The following TRHDE variants were observed in gnomAD, a reference collection of about 807,000 sequenced individuals.
The protein encoded by TRHDE is thyrotropin-releasing hormone-degrading ectoenzyme.
In TRHDE, 72 loss-of-function variants were observed where a neutral mutation model predicts 125.7. The ratio of observed to expected loss-of-function variants is 0.57; its 90% CI spans 0.47 to 0.70. The LOEUF (loss-of-function observed/expected upper bound fraction) is 0.70, where lower values mean the gene tolerates loss of function less well. TRHDE is among the 30% of genes least tolerant of loss of function. TRHDE has a pLI of 0.00. For missense variants in TRHDE, 1,110 were observed against 1,327.1 expected (o/e 0.84, Z 2.54); for synonymous variants, 509 against 509.1 (o/e 1.00, Z 0.00).
At chr12:72,543,530 C>A (rs1869257622) in intron 7 of TRHDE, among the ~76,000 whole-genome samples, 1 of 151,382 alleles carries the variant, frequency 6.6e-6, no homozygotes, top group Non-Finnish European at 1.5e-5. Flanking sequence ...GAGTATCCTT[C>A]ATGAATATCA....
intron 5 of TRHDE, among the ~76,000 whole-genome samples, chr12:72,486,322 C>G (rs1297170417): frequency 6.6e-6 from 1 of 152,168 alleles, no homozygotes; most frequent in African/African-American, 2.4e-5. Flanking sequence ...TCCCAGAAAC[C>G]TGTCTTCACA....
intron 7 of TRHDE, among the ~76,000 whole-genome samples, chr12:72,556,575 C>T (rs182072966): frequency 6.9e-4 from 105 of 152,310 alleles, no homozygotes; most frequent in Non-Finnish European, 1.3e-3. Context: ...GAGCACATGC[C>T]CAGGCTTTAG....
rs985425552 is a variant in TRHDE at position 72,668,062 on chromosome 12, A to G, written c.*4867A>G. The G allele has an allele frequency of 3.3e-5, 5 of 151,694 alleles. No individual in the cohort carries two copies. The highest frequency in any genetic ancestry group is 7.4e-5 in the Non-Finnish European group (5 of 67,760). 9.4% of individuals were successfully genotyped at this position (151,694 alleles called of 1,614,324 possible). A position where few individuals can be genotyped will look rare whatever the true frequency, so the allele number is the denominator to read the frequency against. The stretch of plus-strand genomic sequence containing the variant: ...TTAGTATATGTGAACTTATGAAAAA[A>G]TGTTCTTGTAAATTATTCTAGAATC... On this transcript the variant is annotated 3_prime_UTR_variant, in exon 19 of 19. Coordinates refer to ENST00000261180, the MANE Select transcript of TRHDE (RefSeq NM_013381.3).
chr12:72,311,981 A>T (rs1868564754), intron 2 of TRHDE, among the ~76,000 whole-genome samples: 1 of 152,124 alleles, frequency 6.6e-6, no homozygotes, highest in Non-Finnish European at 1.5e-5. Context: ...TGTAGCAAAG[A>T]TGTAGAGAGA....
At chr12:72,127,561 T>C (rs2139305476) in intron 2 of TRHDE, among the ~76,000 whole-genome samples, 1 of 152,294 alleles carries the variant, frequency 6.6e-6, no homozygotes, top group East Asian at 1.9e-4. Context: ...GGAGGCATTA[T>C]CCTGAGCAAA....
intron 2 of TRHDE, among the ~76,000 whole-genome samples, chr12:72,207,801 C>T (rs144769606): frequency 3.3e-4 from 50 of 152,298 alleles, no homozygotes; most frequent in African/African-American, 9.6e-4. Flanking sequence ...TGCTTTGTAG[C>T]GCTTTTCTGT....
At chr12:72,458,617 A>G (rs1389710018) in intron 3 of TRHDE, among the ~76,000 whole-genome samples, 1 of 152,118 alleles carries the variant, frequency 6.6e-6, no homozygotes, top group Non-Finnish European at 1.5e-5. Context: ...CTCTTAGTAG[A>G]TATCTCTATT....
At chr12:72,193,175 A>T (rs562414236) in intron 2 of TRHDE, among the ~76,000 whole-genome samples, 3 of 152,126 alleles carry the variant, frequency 2.0e-5, no homozygotes, top group Non-Finnish European at 2.9e-5. Context: ...GTTTGTCTTT[A>T]TAAAGATTTA....
At chr12:72,534,489 C>T (rs541647211) in intron 6 of TRHDE, among the ~76,000 whole-genome samples, 10 of 151,988 alleles carry the variant, frequency 6.6e-5, no homozygotes, top group Non-Finnish European at 1.0e-4. Flanking sequence ...AAAGAATGTA[C>T]GGTCCCAGTG....
intron 6 of TRHDE, among the ~76,000 whole-genome samples, chr12:72,528,972 A>G (rs1327405058): frequency 6.6e-6 from 1 of 152,130 alleles, no homozygotes; most frequent in Non-Finnish European, 1.5e-5. Flanking sequence ...TTATTCTTAA[A>G]ATAAAATTAT....
At chr12:72,325,782 A>G (rs1476454874) in intron 2 of TRHDE, among the ~76,000 whole-genome samples, 2 of 152,150 alleles carry the variant, frequency 1.3e-5, no homozygotes, top group East Asian at 1.9e-4. Context: ...CAACACAGCC[A>G]AGCCAATTCT....
chr12:72,631,851 C>T (rs1873509693), intron 15 of TRHDE, among the ~76,000 whole-genome samples: 2 of 151,894 alleles, frequency 1.3e-5, no homozygotes, highest in Admixed American at 1.3e-4. Flanking sequence ...AACAAAATGG[C>T]AATAATCAAT....
At chr12:72,243,956 C>T (rs1036733653) in intron 2 of TRHDE, among the ~76,000 whole-genome samples, 4 of 152,176 alleles carry the variant, frequency 2.6e-5, no homozygotes, top group South Asian at 2.1e-4. Flanking sequence ...TTTTAACACT[C>T]GCCCACAGAC....
intron 6 of TRHDE, among the ~76,000 whole-genome samples, chr12:72,517,728 T>G (rs998635045): frequency 2.8e-4 from 43 of 151,920 alleles, no homozygotes; most frequent in African/African-American, 1.0e-3. Context: ...TTCTTTTAAT[T>G]GTGATGTTAG....
At chr12:72,542,842 A>G (rs1310181043) in intron 7 of TRHDE, among the ~76,000 whole-genome samples, 2 of 150,952 alleles carry the variant, frequency 1.3e-5, no homozygotes, top group Admixed American at 1.3e-4. Flanking sequence ...TAATTAGAAA[A>G]TATGTTTTTC....
At chr12:72,421,719 G>A (rs1253209494) in intron 3 of TRHDE, among the ~76,000 whole-genome samples, 2 of 152,146 alleles carry the variant, frequency 1.3e-5, no homozygotes, top group African/African-American at 2.4e-5. Flanking sequence ...ATTTTAGTTA[G>A]TTTGATTATT....
intron 2 of TRHDE, among the ~76,000 whole-genome samples, chr12:72,321,116 C>A (rs770971884): frequency 7.2e-5 from 11 of 152,072 alleles, no homozygotes; most frequent in African/African-American, 2.4e-5. Context: ...TGATTCTCAG[C>A]AATTTTATGT....
intron 3 of TRHDE, among the ~76,000 whole-genome samples, chr12:72,438,919 T>C (rs1874870026): frequency 6.6e-6 from 1 of 150,916 alleles, no homozygotes; most frequent in East Asian, 1.9e-4. Flanking sequence ...GTGTAAGTCT[T>C]TAATCCATTT....
chr12:72,593,848 TC>T (rs1306949541), intron 12 of TRHDE, among the ~76,000 whole-genome samples: 2 of 152,218 alleles, frequency 1.3e-5, no homozygotes, highest in Non-Finnish European at 2.9e-5. Context: ...CATGAACTCA[TC>T]CTTTTTTATG....
Sources: gnomAD v4.1 joint callset for allele counts (sites outside exome capture counted in the v4.1 genomes callset) on GRCh38, gnomAD v4.1.1 for gene constraint, MANE v1.5 for transcripts, NCBI Gene and HGNC (gene_info 2026-07-23, HGNC 2026-07-21) for gene names.